NUP35: variants seen among roughly 807,000 people sequenced by gnomAD.
NUP35 encodes nucleoporin NUP35.
A neutral mutation model predicts 41.5 loss-of-function variants in NUP35; 25 were observed. The observed-to-expected ratio is 0.60, with a 90% CI of 0.44 to 0.84. NUP35 has a LOEUF of 0.84. Among genes scored for constraint, NUP35 ranks in the 40% least tolerant of loss-of-function variants. The pLI, the probability that NUP35 is intolerant of heterozygous loss-of-function variation, is 0.00. For missense variants in NUP35, 396 were observed against 396.6 expected (o/e 1.00, Z 0.01); for synonymous variants, 149 against 130.7 (o/e 1.14, Z -0.96).
chr2:183,121,826 A>T (rs1274565752), upstream of NUP35, among the ~76,000 whole-genome samples: 2 of 151,822 alleles, frequency 1.3e-5, no homozygotes, highest in African/African-American at 2.4e-5. Context: ...GCGAGACTAC[A>T]TCTCAAAATA....
chr2:183,159,377 C>A, intron 7 of NUP35, 111 bp from the exon 8 acceptor site: 3 of 840,880 alleles, frequency 3.6e-6, no homozygotes, highest in South Asian at 2.2e-5. Flanking sequence ...TTAATTAGAG[C>A]AAATAAAGTA....
intron 4 of NUP35, 65 bp from the exon 5 acceptor site, chr2:183,151,443 T>C (rs1685465755): frequency 2.0e-6 from 3 of 1,487,562 alleles, no homozygotes; most frequent in Non-Finnish European, 2.8e-6. Context: ...AAAACTAAGA[T>C]TTTTGATTTA....
At chr2:183,157,938 TA>T (rs1329623503) in intron 6 of NUP35, among the ~76,000 whole-genome samples, 2 of 152,152 alleles carry the variant, frequency 1.3e-5, no homozygotes, top group Non-Finnish European at 2.9e-5. Context: ...AAGTTATAAG[TA>T]ACAAATCCTT....
chr2:183,140,135 G>T (rs895743115), intron 4 of NUP35, among the ~76,000 whole-genome samples: 12 of 152,130 alleles, frequency 7.9e-5, no homozygotes, highest in African/African-American at 2.7e-4. Context: ...AATTTATTGT[G>T]TTACAGTTAT....
At chr2:183,150,920 A>G (rs760685427) in intron 4 of NUP35, among the ~76,000 whole-genome samples, 25 of 152,236 alleles carry the variant, frequency 1.6e-4, no homozygotes, top group Non-Finnish European at 3.1e-4. Flanking sequence ...AGTGTTTAGC[A>G]TGGCATGTTG....
At chr2:183,149,065 A>G (rs1685376520) in intron 4 of NUP35, among the ~76,000 whole-genome samples, 1 of 152,182 alleles carries the variant, frequency 6.6e-6, no homozygotes, top group East Asian at 1.9e-4. Flanking sequence ...ATGGTTTTCA[A>G]CTCATTTGGG....
intron 5 of NUP35, among the ~76,000 whole-genome samples, chr2:183,152,713 T>C (rs1190476271): frequency 6.6e-6 from 1 of 152,218 alleles, no homozygotes; most frequent in African/African-American, 2.4e-5. Context: ...GATCATATTG[T>C]ATAATGTTTT....
intron 4 of NUP35, among the ~76,000 whole-genome samples, chr2:183,138,259 A>ATG: frequency 2.2e-5 from 1 of 45,758 alleles, no homozygotes; most frequent in African/African-American, 1.1e-4. Context: ...ATATATATAT[A>ATG]TATATATATA....
chr2:183,135,796 C>T (rs1244666422), intron 4 of NUP35, among the ~76,000 whole-genome samples: 1 of 151,736 alleles, frequency 6.6e-6, no homozygotes, highest in Non-Finnish European at 1.5e-5. Context: ...CCCAGGAATT[C>T]GAGGTTGCAA....
upstream of NUP35, chr2:183,124,385 C>T (rs965066581): frequency 1.2e-5 from 20 of 1,613,314 alleles, no homozygotes; most frequent in Middle Eastern, 1.6e-4. Flanking sequence ...ACGCCGTTAC[C>T]CGTGGGGAGC....
At chr2:183,120,060 CCT>C (rs886637987), upstream of NUP35, 7 of 152,196 alleles carry the variant, frequency 4.6e-5, no homozygotes, top group African/African-American at 1.7e-4. Context: ...GTGCTGCACA[CCT>C]GAGTCTTGTG....
At position 183,128,431 on chromosome 2, in the gene NUP35, T is replaced by A. The variant is rs772857749; in HGVS notation, c.185T>A (p.Met62Lys). ...ATTAGTGGCCCTTCAGTAGGAGTAA[T>A]GGAAATGAGATCACCTTTACTTGCA... is the stretch of plus-strand genomic sequence containing the variant. Reference protein sequence around the residue: ...RSISGPSVGVMEMRSPLLAGG... With the variant: ...RSISGPSVGVKEMRSPLLAGG... Residue 62 changes from methionine (M) to lysine (K), a missense_variant, in exon 2 of 9, where the codon ATG becomes AAG. By Grantham distance (95) the Met-to-Lys change is moderately conservative (BLOSUM62 -1). Coordinates refer to ENST00000295119, the MANE Select transcript of NUP35 (RefSeq NM_138285.5). 2 of 1,613,316 alleles carry A rather than the reference T, an allele frequency of 1.2e-6. No individual in the cohort carries two copies. The highest frequency in any genetic ancestry group is 1.3e-5 in the African/African-American group (1 of 74,824).
intron 4 of NUP35, among the ~76,000 whole-genome samples, chr2:183,135,057 C>T (rs988959127): frequency 6.6e-6 from 1 of 152,158 alleles, no homozygotes; most frequent in African/African-American, 2.4e-5. Flanking sequence ...TCATATCTCC[C>T]TCTCTCTTTT....
At chr2:183,127,919 C>CA (rs796666754) in intron 1 of NUP35, among the ~76,000 whole-genome samples, 134 of 152,000 alleles carry the variant, frequency 8.8e-4, no homozygotes, top group African/African-American at 3.2e-3. Context: ...CAAAAAAATA[C>CA]AAAAATTAGC....
intron 5 of NUP35, among the ~76,000 whole-genome samples, chr2:183,152,688 G>A (rs926859785): frequency 3.3e-5 from 5 of 152,090 alleles, no homozygotes; most frequent in African/African-American, 1.2e-4. Context: ...ATCTATCACA[G>A]TAAAACTCCT....
intron 4 of NUP35, among the ~76,000 whole-genome samples, chr2:183,140,052 C>G (rs1685031658): frequency 6.6e-6 from 1 of 152,162 alleles, no homozygotes; most frequent in South Asian, 2.1e-4. Flanking sequence ...AAAAACTATC[C>G]TTATTCTAGA....
chr2:183,151,682 C>A (rs1435153487), intron 5 of NUP35, 33 bp downstream of exon 5: 3 of 1,585,384 alleles, frequency 1.9e-6, no homozygotes, highest in Non-Finnish European at 2.6e-6. Flanking sequence ...CTTTTAAAAA[C>A]CCCACCCTAA....
In NUP35 at chr2:183,161,675, A is replaced by G. The variant is rs1685886530; in HGVS notation, c.*544A>G. 6.6e-6 allele frequency: 1 copy of G among 152,266 alleles called. No homozygotes were observed. Among genetic ancestry groups the G allele is most frequent in the African/African-American group, 2.4e-5 (1 of 41,450 alleles). 9.4% of individuals were successfully genotyped at this position (152,266 alleles called of 1,614,324 possible). On this transcript the variant is annotated 3_prime_UTR_variant, in exon 9 of 9. Transcript: ENST00000295119. ...AGTTTCTTGATAATAAACATTGTCA[A>G]TGATATGTGTATTAGTCTGTTTGCA...
chr2:183,150,760 T>G (rs949738084), intron 4 of NUP35, among the ~76,000 whole-genome samples: 1 of 152,234 alleles, frequency 6.6e-6, no homozygotes, highest in South Asian at 2.1e-4. Flanking sequence ...CCTAGGTTGA[T>G]GCTTGGTGCA....
Sources: gnomAD v4.1 joint callset for allele counts (sites outside exome capture counted in the v4.1 genomes callset) on GRCh38, gnomAD v4.1.1 for gene constraint, MANE v1.5 for transcripts, NCBI Gene and HGNC (gene_info 2026-07-23, HGNC 2026-07-21) for gene names.